RSRC1: variants seen among roughly 807,000 people sequenced by gnomAD.
The protein encoded by RSRC1 is serine/Arginine-related protein 53.
A neutral mutation model predicts 49.1 loss-of-function variants in RSRC1; 39 were observed. That is an observed-to-expected ratio of 0.79 (90% CI 0.61 to 1.04). RSRC1 has a LOEUF of 1.04. Ranked by LOEUF, RSRC1 falls within the 50% of genes least tolerant of loss-of-function variation. The probability of loss-of-function intolerance (pLI) is 0.00; values close to 1 mark genes in which losing one functional copy is unlikely to be tolerated. For synonymous variants in RSRC1, 143 were observed against 130.8 expected (o/e 1.09, Z -0.63); for missense variants, 388 against 402.4 (o/e 0.96, Z 0.31).
At chr3:158,195,992 G>C (rs983458518) in intron 3 of RSRC1, among the ~76,000 whole-genome samples, 1 of 151,988 alleles carries the variant, frequency 6.6e-6, no homozygotes, top group African/African-American at 2.4e-5. Context: ...CTCTTTTTTG[G>C]TTCCATATGA....
At chr3:158,324,813 C>T (rs1270965171) in intron 5 of RSRC1, among the ~76,000 whole-genome samples, 1 of 152,204 alleles carries the variant, frequency 6.6e-6, no homozygotes, top group African/African-American at 2.4e-5. Context: ...GCCACACTGT[C>T]TTCCACAATG....
intron 6 of RSRC1, among the ~76,000 whole-genome samples, chr3:158,439,831 A>T (rs114991255): frequency 0.017 from 2,633 of 152,042 alleles, 66 homozygotes; most frequent in African/African-American, 0.06. Flanking sequence ...TAAAAATAAT[A>T]AAAAAAGGTT....
At chr3:158,425,717 T>C (rs904585587) in intron 6 of RSRC1, among the ~76,000 whole-genome samples, 6 of 151,978 alleles carry the variant, frequency 3.9e-5, no homozygotes, top group African/African-American at 7.2e-5. Flanking sequence ...TGTGGGAGTC[T>C]AAGTCTCTTT....
intron 6 of RSRC1, among the ~76,000 whole-genome samples, chr3:158,379,745 G>T (rs1271595166): frequency 6.7e-6 from 1 of 150,352 alleles, no homozygotes; most frequent in African/African-American, 2.5e-5. Context: ...CCTCCTTCAG[G>T]TCATTACTCA....
intron 3 of RSRC1, among the ~76,000 whole-genome samples, chr3:158,138,140 C>T (rs140661866): frequency 6.6e-6 from 1 of 152,248 alleles, no homozygotes; most frequent in East Asian, 1.9e-4. Flanking sequence ...CCTGAATTGA[C>T]TGAATGTACC....
At chr3:158,382,206 T>C (rs1241785088) in intron 6 of RSRC1, among the ~76,000 whole-genome samples, 3 of 152,168 alleles carry the variant, frequency 2.0e-5, no homozygotes, top group Admixed American at 6.6e-5. Context: ...CATTGGAAGA[T>C]CTTCAGGGGC....
intron 6 of RSRC1, among the ~76,000 whole-genome samples, chr3:158,433,939 A>G (rs1735908332): frequency 6.6e-6 from 1 of 151,984 alleles, no homozygotes; most frequent in Non-Finnish European, 1.5e-5. Flanking sequence ...AAAATGTTAA[A>G]TAAAATAAAG....
intron 4 of RSRC1, among the ~76,000 whole-genome samples, chr3:158,295,362 G>C (rs932247913): frequency 1.4e-4 from 21 of 152,126 alleles, no homozygotes; most frequent in African/African-American, 5.1e-4. Flanking sequence ...CAAGATAACA[G>C]AGGGAATAGG....
chr3:158,358,488 A>G (rs1385175677), intron 6 of RSRC1, among the ~76,000 whole-genome samples: 3 of 152,192 alleles, frequency 2.0e-5, no homozygotes, highest in African/African-American at 7.2e-5. Flanking sequence ...TAAGCCTGCC[A>G]TCACCACTTG....
intron 3 of RSRC1, chr3:158,137,002 G>A (rs1234478519): frequency 6.6e-6 from 1 of 152,112 alleles, no homozygotes; most frequent in East Asian, 1.9e-4. Flanking sequence ...TTTACCTGAG[G>A]TAGTCCATTT....
Position 158,504,255 on chromosome 3 carries a change from C to T in RSRC1, c.653-32837C>T, listed in dbSNP as rs145724927. Among the ~76,000 whole-genome samples, 383 of 152,292 alleles carry T rather than the reference C, an allele frequency of 2.5e-3. 2 individuals are homozygous for T. The highest frequency in any genetic ancestry group is 4.7e-3 in the Non-Finnish European group (320 of 68,020). ...TCCCAGGTCCTGCAGGAGCAGTCAGCTTCCTTCATTAGCTCTGTGGGTCCT... is the reference window on the plus strand; with the variant it reads ...TCCCAGGTCCTGCAGGAGCAGTCAGTTTCCTTCATTAGCTCTGTGGGTCCT... On this transcript the variant is annotated intron_variant, in intron 7 of 9. Transcript: ENST00000611884.
chr3:158,432,774 G>A (rs1193708850), intron 6 of RSRC1, among the ~76,000 whole-genome samples: 2 of 151,656 alleles, frequency 1.3e-5, no homozygotes, highest in Non-Finnish European at 2.9e-5. Context: ...ATAATATCAG[G>A]CATTATATCC....
chr3:158,517,060 C>T (rs1364733043), intron 7 of RSRC1, among the ~76,000 whole-genome samples: 13 of 152,220 alleles, frequency 8.5e-5, no homozygotes, highest in Admixed American at 5.9e-4. Context: ...CCGTCTTCTG[C>T]GTCGCTCACG....
rs533142866 is a variant in RSRC1, at chr3:158,463,934, A to T, written c.652+2931A>T. Reference sequence around the variant, plus strand: ...ATAGGCGCTCACTCTTGAGCCACTAATTCTTTCCACTTTAGTTGTTATAGG... The same window carrying T: ...ATAGGCGCTCACTCTTGAGCCACTATTTCTTTCCACTTTAGTTGTTATAGG... On this transcript the variant is annotated intron_variant, in intron 7 of 9. Transcript: ENST00000611884. 6.6e-5 allele frequency among the ~76,000 whole-genome samples: 10 copies of T among 152,242 alleles called. No homozygotes were observed. The South Asian group carries it at 1.4e-3, about 22-fold the overall frequency.
intron 7 of RSRC1, among the ~76,000 whole-genome samples, chr3:158,473,592 A>G (rs565985960): frequency 5.3e-5 from 8 of 152,194 alleles, no homozygotes; most frequent in South Asian, 2.1e-4. Context: ...CAGCACACCA[A>G]CATGGCACAT....
chr3:158,274,181 A>T (rs773411941), intron 4 of RSRC1, among the ~76,000 whole-genome samples: 1 of 152,166 alleles, frequency 6.6e-6, no homozygotes, highest in Non-Finnish European at 1.5e-5. Flanking sequence ...ATGTTTAGAA[A>T]TATGAATTTT....
intron 4 of RSRC1, chr3:158,276,548 G>A (rs1486404734): frequency 2.2e-4 from 111 of 501,774 alleles, no homozygotes; most frequent in Non-Finnish European, 5.3e-5. Context: ...GTAAAGAGTT[G>A]AATTGATGTT....
chr3:158,226,861 T>A (rs554901998), intron 4 of RSRC1, among the ~76,000 whole-genome samples: 2 of 152,096 alleles, frequency 1.3e-5, no homozygotes, highest in South Asian at 4.1e-4. Context: ...TGTTGAAATG[T>A]ATATGTTAGT....
chr3:158,454,691 GTTA>G (rs751412532), intron 6 of RSRC1, among the ~76,000 whole-genome samples: 1 of 152,086 alleles, frequency 6.6e-6, no homozygotes, highest in South Asian at 2.1e-4. Context: ...GTTTTATGGT[GTTA>G]TTGTTGTTTG....
Sources: allele counts gnomAD v4.1 joint callset (sites outside exome capture counted in the v4.1 genomes callset), GRCh38; gene constraint gnomAD v4.1.1; transcripts MANE v1.5; gene names NCBI Gene and HGNC (gene_info 2026-07-23, HGNC 2026-07-21).